Variants in RNF111 observed in about 807,000 individuals in gnomAD.
RNF111 encodes E3 ubiquitin-protein ligase Arkadia.
A neutral mutation model predicts 95.1 loss-of-function variants in RNF111; 17 were observed. The observed-to-expected ratio is 0.18, with a 90% CI of 0.12 to 0.27. RNF111 has a LOEUF of 0.27. RNF111 is among the 10% of genes least tolerant of loss of function. RNF111 has a pLI of 1.00. For synonymous variants in RNF111, 440 were observed against 414.8 expected, an observed-to-expected ratio of 1.06 and a Z score of -0.74; for missense variants, 1,189 against 1,210.4, an observed-to-expected ratio of 0.98 and a Z score of 0.26.
At chr15:59,009,158 C>T (rs1652480672) in intron 1 of RNF111, among the ~76,000 whole-genome samples, 2 of 152,044 alleles carry the variant, frequency 1.3e-5, no homozygotes, top group African/African-American at 4.8e-5. Context: ...TGGGGTTTCA[C>T]CAAGTTGGCC....
At chr15:59,077,153 T>G (rs532232403) in intron 7 of RNF111, among the ~76,000 whole-genome samples, 1 of 152,376 alleles carries the variant, frequency 6.6e-6, no homozygotes, top group East Asian at 1.9e-4. Context: ...GCCAATTCTT[T>G]GTATGAGCAC....
intron 1 of RNF111, among the ~76,000 whole-genome samples, chr15:59,020,934 G>A (rs1199601359): frequency 2.0e-5 from 3 of 152,090 alleles, no homozygotes; most frequent in African/African-American, 7.2e-5. Flanking sequence ...TTAAATCTCA[G>A]TAGGTTTTTG....
At chr15:59,026,043 T>A (rs1037603876) in intron 1 of RNF111, among the ~76,000 whole-genome samples, 1 of 151,990 alleles carries the variant, frequency 6.6e-6, no homozygotes, top group Non-Finnish European at 1.5e-5. Flanking sequence ...TTTTTTTTTT[T>A]CTTTTAAAAT....
chr15:59,039,780 G>A (rs887430098), intron 2 of RNF111, among the ~76,000 whole-genome samples: 10 of 151,406 alleles, frequency 6.6e-5, no homozygotes, highest in African/African-American at 2.2e-4. Context: ...GCAGTGGTGC[G>A]ATATTGGCTC....
chr15:59,073,782 G>A lies in RNF111; in HGVS notation c.1687-2172G>A, dbSNP rs143854635. Among the ~76,000 whole-genome samples, 274 of 152,240 alleles carry A rather than the reference G, an allele frequency of 1.8e-3. 1 individual carries two copies. The highest frequency in any genetic ancestry group is 6.4e-3 in the African/African-American group (267 of 41,532). On this transcript the variant is annotated intron_variant, in intron 6 of 13. Coordinates refer to ENST00000348370, the MANE Select transcript of RNF111 (RefSeq NM_017610.8). ...TAGAATGGTGACTCCTTTCTGGAAG[G>A]TTTTCAATTTACTTTTGCCCAGATT...
chr15:59,066,706 T>G, intron 5 of RNF111, 58 bp from the exon 6 acceptor site: 1 of 1,373,658 alleles, frequency 7.3e-7, no homozygotes, highest in Non-Finnish European at 1.0e-6. Flanking sequence ...CATACCTATT[T>G]TTTTACACAG....
chr15:59,027,512 A>G (rs1235429046), intron 1 of RNF111, among the ~76,000 whole-genome samples: 2 of 152,076 alleles, frequency 1.3e-5, no homozygotes, highest in African/African-American at 4.8e-5. Flanking sequence ...TGAAAATAAA[A>G]GAAATTCTAT....
At chr15:59,053,964 C>A (rs113507414) in intron 3 of RNF111, among the ~76,000 whole-genome samples, 5 of 152,222 alleles carry the variant, frequency 3.3e-5, no homozygotes, top group African/African-American at 1.2e-4. Flanking sequence ...GAGACAGAGT[C>A]TCCCTCTGTC....
chr15:59,095,380 T>TC lies in RNF111; in HGVS notation c.*482dup, dbSNP rs2079160500. 6.2e-6 allele frequency: 1 copy of TC among 160,216 alleles called. No homozygotes were observed. The highest frequency in any genetic ancestry group is 1.8e-4 in the South Asian group (1 of 5,480). The allele number at this position is 160,216 out of a possible 1,614,324, so 9.9% of individuals were successfully genotyped here. A position where few individuals can be genotyped will look rare whatever the true frequency, so the allele number is the denominator to read the frequency against. On this transcript the variant is annotated 3_prime_UTR_variant, in exon 14 of 14. Coordinates refer to ENST00000348370, the MANE Select transcript of RNF111 (RefSeq NM_017610.8). Reference sequence around the variant, plus strand: ...ATGATAATATTGTGTATTAAGACATTCCTTAATTAGGACAAAATGGCTGCT... The same window carrying TC: ...ATGATAATATTGTGTATTAAGACATTCCCTTAATTAGGACAAAATGGCTGCT...
intron 1 of RNF111, among the ~76,000 whole-genome samples, chr15:59,014,927 A>G (rs2039997044): frequency 6.6e-6 from 1 of 151,824 alleles, no homozygotes; most frequent in South Asian, 2.1e-4. Context: ...TAATTTTTGT[A>G]TTTTTTTAGA....
In RNF111 at chr15:59,072,259, G is replaced by A. The variant is rs539746936; in HGVS notation, c.1687-3695G>A. On this transcript the variant is annotated intron_variant, in intron 6 of 13. Coordinates refer to ENST00000348370, the MANE Select transcript of RNF111 (RefSeq NM_017610.8). ...AGATAACAATGAAGTTTGCTGCATT[G>A]ATTGACTGTTACTTTCATGAAAGAT... 1.4e-4 allele frequency among the ~76,000 whole-genome samples: 21 copies of A among 152,146 alleles called. 1 individual carries two copies. In the South Asian group the frequency reaches 4.4e-3, roughly 32 times the overall value.
At chr15:59,001,885 A>G (rs1339027635) in intron 1 of RNF111, among the ~76,000 whole-genome samples, 1 of 152,210 alleles carries the variant, frequency 6.6e-6, no homozygotes. Flanking sequence ...ATAAAGTTTA[A>G]TTTATACATT....
rs756551922 is a variant in RNF111 at position 59,058,536 on chromosome 15, G to C, written c.1352G>C (p.Gly451Ala). Residue 451 changes from glycine (G) to alanine (A), a missense_variant, in exon 5 of 14, where the codon GGC becomes GCC. Physicochemically the swap from Gly to Ala is moderately conservative, Grantham distance 60 (BLOSUM62 0). Coordinates refer to ENST00000348370, the MANE Select transcript of RNF111 (RefSeq NM_017610.8). Reference sequence around the variant, plus strand: ...ACTCTTACAAGCAATAGTACCACTGGCACTTCTATAGGAGGTATGTAAAAA... The same window carrying C: ...ACTCTTACAAGCAATAGTACCACTGCCACTTCTATAGGAGGTATGTAAAAA... The part of the protein sequence containing the change: ...SATLTSNSTT[G>A]TSIGDDSRRT... 1.9e-6 allele frequency: 3 copies of C among 1,613,888 alleles called. No individual in the cohort carries two copies. The South Asian group carries it at 3.3e-5, about 18-fold the overall frequency.
intron 5 of RNF111, among the ~76,000 whole-genome samples, chr15:59,062,634 G>A (rs1254537276): frequency 6.6e-6 from 1 of 152,198 alleles, no homozygotes; most frequent in Non-Finnish European, 1.5e-5. Flanking sequence ...TGAGCCTATA[G>A]TGTTGGCCGG....
At chr15:59,002,319 G>T (rs1344985289) in intron 1 of RNF111, among the ~76,000 whole-genome samples, 2 of 151,962 alleles carry the variant, frequency 1.3e-5, no homozygotes, top group East Asian at 1.9e-4. Flanking sequence ...ACTTCTTTCA[G>T]GTTTTTCCTT....
chr15:59,012,260 C>T (rs1342801868), intron 1 of RNF111, among the ~76,000 whole-genome samples: 1 of 151,926 alleles, frequency 6.6e-6, no homozygotes, highest in Non-Finnish European at 1.5e-5. Context: ...CTCAGGTGGT[C>T]CACTTGCCTA....
Position 59,046,429 on chromosome 15 carries a change from G to A in RNF111, c.881-5876G>A, listed in dbSNP as rs144140273. Among the ~76,000 whole-genome samples the A allele has an allele frequency of 3.2e-4, 49 of 152,326 alleles. No homozygotes were observed. The East Asian group carries it at 8.7e-3, about 27-fold the overall frequency. On this transcript the variant is annotated intron_variant, in intron 2 of 13. Transcript: ENST00000348370. ...GCTGGTCTCGCACTCCTGGGCTCAA[G>A]TGATCTGCCCACCTCAGCCTACCAG...
At chr15:59,054,127 C>T (rs562442448) in intron 3 of RNF111, among the ~76,000 whole-genome samples, 10 of 152,100 alleles carry the variant, frequency 6.6e-5, no homozygotes, top group South Asian at 2.1e-4. Flanking sequence ...TTAGTAGAGA[C>T]GGGGTTTCAG....
chr15:59,068,608 G>GT (rs557904020), intron 6 of RNF111, among the ~76,000 whole-genome samples: 22 of 150,556 alleles, frequency 1.5e-4, no homozygotes, highest in African/African-American at 2.2e-4. Flanking sequence ...TCCGAAGTTC[G>GT]TTTTTTTTTC....
Sources: gnomAD v4.1 joint callset for allele counts (sites outside exome capture counted in the v4.1 genomes callset) on GRCh38, gnomAD v4.1.1 for gene constraint, MANE v1.5 for transcripts, NCBI Gene and HGNC (gene_info 2026-07-23, HGNC 2026-07-21) for gene names.